The following CDH13 variants were observed in gnomAD, a reference collection of about 807,000 sequenced individuals.
CDH13 encodes cadherin-13.
In CDH13, 24 loss-of-function variants were observed where a neutral mutation model predicts 63.8. The observed-to-expected ratio is 0.38, with a 90% CI of 0.27 to 0.53. The LOEUF (loss-of-function observed/expected upper bound fraction) is 0.53. Ranked by LOEUF, CDH13 falls within the 20% of genes least tolerant of loss-of-function variation. The probability of loss-of-function intolerance (pLI) is 0.85; values close to 1 mark genes in which losing one functional copy is unlikely to be tolerated. For synonymous variants in CDH13, 503 were observed against 355.3 expected (o/e 1.42, Z -4.67); for missense variants, 1,049 against 903.1 (o/e 1.16, Z -2.07).
chr16:83,239,091 C>G (rs1018135073), intron 5 of CDH13, among the ~76,000 whole-genome samples: 3 of 152,204 alleles, frequency 2.0e-5, no homozygotes, highest in Non-Finnish European at 2.9e-5. Flanking sequence ...GACTGATGCT[C>G]TACTTCCTAC....
intron 1 of CDH13, among the ~76,000 whole-genome samples, chr16:82,716,121 A>G (rs879570305): frequency 2.0e-5 from 3 of 152,210 alleles, no homozygotes; most frequent in Admixed American, 6.5e-5. Context: ...GCCTGGCCTC[A>G]GGAGACTGCA....
chr16:83,577,550 C>T (rs1241594689), intron 7 of CDH13, among the ~76,000 whole-genome samples: 1 of 152,118 alleles, frequency 6.6e-6, no homozygotes, highest in Non-Finnish European at 1.5e-5. Flanking sequence ...CCCAGATGCC[C>T]CTATGGGAAT....
intron 4 of CDH13, among the ~76,000 whole-genome samples, chr16:83,214,553 C>G (rs556612112): frequency 5.6e-4 from 63 of 113,000 alleles, no homozygotes; most frequent in South Asian, 3.5e-3. Flanking sequence ...GCATTCCAGC[C>G]TGGGTGACAG....
chr16:82,726,491 G>C (rs1386339669), intron 1 of CDH13, among the ~76,000 whole-genome samples: 1 of 152,162 alleles, frequency 6.6e-6, no homozygotes, highest in African/African-American at 2.4e-5. Flanking sequence ...CTTTTCTCAT[G>C]AGCTGTTCAA....
At chr16:83,527,546 C>T (rs774912970) in intron 7 of CDH13, among the ~76,000 whole-genome samples, 26 of 152,198 alleles carry the variant, frequency 1.7e-4, no homozygotes, top group African/African-American at 3.6e-4. Flanking sequence ...ACTACATCTA[C>T]CCACAGCATT....
intron 1 of CDH13, among the ~76,000 whole-genome samples, chr16:82,674,577 C>A (rs1913677462): frequency 6.6e-6 from 1 of 152,146 alleles, no homozygotes; most frequent in South Asian, 2.1e-4. Flanking sequence ...CTGAGAAGTC[C>A]TTGGATCAGG....
rs1477621097 is a variant in CDH13, at chr16:83,047,249, A to G, written c.366+15031A>G. On this transcript the variant is annotated intron_variant, in intron 3 of 13. Transcript: ENST00000567109. This position sits in a 1 kb window ranked among gnomAD's most constrained non-coding sequence, Gnocchi z 4.9. ...CAGAGGCCTGTGTATTTATTTATTTATTTATTTTTTTGGTAAAGGCCTCTG... is the reference window on the plus strand; with the variant it reads ...CAGAGGCCTGTGTATTTATTTATTTGTTTATTTTTTTGGTAAAGGCCTCTG... 6.6e-6 allele frequency among the ~76,000 whole-genome samples: 1 copy of G among 151,934 alleles called. No homozygotes were observed. Among genetic ancestry groups the G allele is most frequent in the East Asian group, 1.9e-4 (1 of 5,192 alleles).
At chr16:82,813,177 T>G (rs1441107865) in intron 1 of CDH13, among the ~76,000 whole-genome samples, 1 of 152,106 alleles carries the variant, frequency 6.6e-6, no homozygotes, top group African/African-American at 2.4e-5. Flanking sequence ...TGGAGTAGAC[T>G]GTGAAATTGA....
At chr16:82,816,803 C>CG (rs369140283) in intron 1 of CDH13, among the ~76,000 whole-genome samples, 2,664 of 122,286 alleles carry the variant, frequency 0.022, 92 homozygotes, top group African/African-American at 0.079. Flanking sequence ...CTAGAAACTT[C>CG]GGGGGGCGGG....
intron 5 of CDH13, among the ~76,000 whole-genome samples, chr16:83,267,654 G>A (rs530313696): frequency 1.3e-5 from 2 of 152,252 alleles, no homozygotes; most frequent in East Asian, 3.9e-4. Context: ...CCTTCCCCTT[G>A]CAAGCTCACT....
chr16:83,720,895 A>C (rs1429950907), intron 10 of CDH13, among the ~76,000 whole-genome samples: 8 of 152,158 alleles, frequency 5.3e-5, no homozygotes, highest in Non-Finnish European at 1.2e-4. Context: ...GTGGGTTATA[A>C]CTGTGCCTGA....
chr16:82,857,845 C>A (rs539188965), intron 1 of CDH13, among the ~76,000 whole-genome samples: 1 of 141,286 alleles, frequency 7.1e-6, no homozygotes, highest in South Asian at 2.2e-4. Flanking sequence ...AGTTTCAGAC[C>A]TATGACTGTT....
intron 1 of CDH13, among the ~76,000 whole-genome samples, chr16:82,742,913 C>A (rs1457667598): frequency 6.6e-6 from 1 of 152,014 alleles, no homozygotes; most frequent in Non-Finnish European, 1.5e-5. Context: ...CCAGCACATG[C>A]TGAAGGAAAG....
chr16:82,765,991 C>A (rs1479748789), intron 1 of CDH13, among the ~76,000 whole-genome samples: 1 of 152,156 alleles, frequency 6.6e-6, no homozygotes, highest in Non-Finnish European at 1.5e-5. Context: ...ACCCCAAAGT[C>A]CAAGCTTAAT....
At chr16:82,697,822 G>T (rs2030524248) in intron 1 of CDH13, among the ~76,000 whole-genome samples, 1 of 151,320 alleles carries the variant, frequency 6.6e-6, no homozygotes, top group Non-Finnish European at 1.5e-5. Context: ...ATAGCCAAAT[G>T]GTTTTGAATA....
intron 5 of CDH13, among the ~76,000 whole-genome samples, chr16:83,251,353 C>T (rs927858215): frequency 6.6e-6 from 1 of 152,116 alleles, no homozygotes; most frequent in African/African-American, 2.4e-5. Context: ...TCACGTTATC[C>T]TTACAAGAAA....
chr16:83,525,394 A>G (rs2074939053), intron 7 of CDH13, among the ~76,000 whole-genome samples: 2 of 152,222 alleles, frequency 1.3e-5, no homozygotes, highest in South Asian at 4.1e-4. Context: ...CTGTGGTCAC[A>G]TGGTTAAAAA....
intron 1 of CDH13, among the ~76,000 whole-genome samples, chr16:82,720,465 A>C (rs2032696600): frequency 6.6e-6 from 1 of 152,154 alleles, no homozygotes; most frequent in Non-Finnish European, 1.5e-5. Context: ...ACAGGGTAGG[A>C]ACTGACCCTG....
chr16:83,702,490 G>T (rs776184537), intron 10 of CDH13, among the ~76,000 whole-genome samples: 40 of 152,106 alleles, frequency 2.6e-4, no homozygotes, highest in Non-Finnish European at 5.0e-4. Context: ...GGAGGGTCTT[G>T]CAGGGGGTTT....
Sources: gnomAD v4.1 joint callset for allele counts (sites outside exome capture counted in the v4.1 genomes callset) on GRCh38, gnomAD v4.1.1 for gene constraint, Gnocchi (gnomAD v3.1) non-coding constraint, MANE v1.5 for transcripts, NCBI Gene and HGNC (gene_info 2026-07-23, HGNC 2026-07-21) for gene names.